The following DNAJB1 variants were observed in gnomAD, a reference collection of about 807,000 sequenced individuals.
The protein encoded by DNAJB1 is dnaJ homolog subfamily B member 1.
A neutral mutation model predicts 24.0 loss-of-function variants in DNAJB1; 14 were observed. The observed-to-expected ratio is 0.58, with a 90% CI of 0.39 to 0.91. The LOEUF is 0.91. Ranked by LOEUF, DNAJB1 falls within the 40% of genes least tolerant of loss-of-function variation. The pLI, the probability that DNAJB1 is intolerant of heterozygous loss-of-function variation, is 0.00. For missense variants in DNAJB1, 517 were observed against 458.1 expected (o/e 1.13, Z -1.17); for synonymous variants, 262 against 174.4 (o/e 1.50, Z -3.96).
At chr19:14,522,671 GACAC>G (rs1185246122), upstream of DNAJB1, among the ~76,000 whole-genome samples, 5 of 63,086 alleles carry the variant, frequency 7.9e-5, no homozygotes, top group African/African-American at 1.4e-4. Context: ...CACAAACACA[GACAC>G]ACACACAGAC....
chr19:14,534,218 G>A (rs997343095), upstream of DNAJB1, among the ~76,000 whole-genome samples: 3 of 149,782 alleles, frequency 2.0e-5, no homozygotes, highest in African/African-American at 7.4e-5. Flanking sequence ...TCCGCCTCCC[G>A]GGTTCACGCC....
intron 1 of DNAJB1, among the ~76,000 whole-genome samples, chr19:14,538,364 C>T (rs764295521): frequency 2.8e-4 from 43 of 152,074 alleles, no homozygotes; most frequent in South Asian, 8.3e-4. Flanking sequence ...ACCTGGGGGC[C>T]TGTGGGGGAG....
Position 14,515,879 on chromosome 19 carries a change from A to G in DNAJB1, c.*61T>C. 6.5e-7 allele frequency: 1 copy of G among 1,526,968 alleles called. No individual in the cohort carries two copies. Among genetic ancestry groups the G allele is most frequent in the South Asian group, 1.2e-5 (1 of 85,162 alleles). The allele number at this position is 1,526,968 out of a possible 1,614,324, so 94.6% of individuals were successfully genotyped here. On this transcript the variant is annotated 3_prime_UTR_variant, in exon 3 of 3. Transcript: ENST00000254322. ...CTCTCATGGTCCACAACTGGTAGAA[A>G]GGTCCAGAAATCCTTGAGCTCTGGA...
chr19:14,550,307 G>T (rs933298542), exon 1 of DNAJB1, among the ~76,000 whole-genome samples: 1 of 152,110 alleles, frequency 6.6e-6, no homozygotes, highest in Non-Finnish European at 1.5e-5. Context: ...GTTAGCTGCC[G>T]CCGCGTGTAT....
chr19:14,533,608 T>C (rs1476703439), upstream of DNAJB1, among the ~76,000 whole-genome samples: 1 of 152,146 alleles, frequency 6.6e-6, no homozygotes, highest in Admixed American at 6.6e-5. Flanking sequence ...AACAAATTAA[T>C]GTCTGGTTGA....
At chr19:14,550,663 G>T (rs1195493008), upstream of DNAJB1, among the ~76,000 whole-genome samples, 1 of 152,100 alleles carries the variant, frequency 6.6e-6, no homozygotes, top group African/African-American at 2.4e-5. Context: ...TGGCCCCAGC[G>T]GCCAGGAGTG....
chr19:14,535,456 G>A (rs8101153), intron 1 of DNAJB1, among the ~76,000 whole-genome samples: 26,164 of 130,792 alleles, frequency 0.2, 2,832 homozygotes, highest in African/African-American at 0.29. Context: ...GCAGTGAGCC[G>A]AGATCGCGCC....
intron 1 of DNAJB1, among the ~76,000 whole-genome samples, chr19:14,541,717 G>A (rs920154740): frequency 6.6e-6 from 1 of 152,070 alleles, no homozygotes; most frequent in Admixed American, 6.6e-5. Flanking sequence ...TATGTCCCAC[G>A]TTGAGGGATG....
intron 1 of DNAJB1, 73 bp downstream of exon 1, chr19:14,518,066 G>A (rs1391530226): frequency 8.2e-6 from 11 of 1,339,752 alleles, no homozygotes; most frequent in South Asian, 6.9e-5. Context: ...GGGGGCCGCC[G>A]AGAGGGGCCA....
chr19:14,526,548 G>A (rs553708033), intron 2 of DNAJB1, among the ~76,000 whole-genome samples: 1 of 152,320 alleles, frequency 6.6e-6, no homozygotes, highest in South Asian at 2.1e-4. Context: ...TGAGGAGGGG[G>A]TGGAAATTAT....
At chr19:14,518,058 G>C in intron 1 of DNAJB1, 81 bp downstream of exon 1, 1 of 1,332,394 alleles carries the variant, frequency 7.5e-7, no homozygotes, top group Non-Finnish European at 9.7e-7. Flanking sequence ...CCTTCCCGGG[G>C]GGCCGCCGAG....
chr19:14,549,427 A>C (rs957869995), intron 1 of DNAJB1, among the ~76,000 whole-genome samples: 2 of 151,754 alleles, frequency 1.3e-5, no homozygotes, highest in Non-Finnish European at 2.9e-5. Context: ...TGGCCAGGCT[A>C]GTCTTGAACT....
upstream of DNAJB1, among the ~76,000 whole-genome samples, chr19:14,522,486 A>AG (rs1267144041): frequency 5.8e-5 from 8 of 138,930 alleles, no homozygotes; most frequent in African/African-American, 2.0e-4. Flanking sequence ...TCTGTCTCGA[A>AG]GAAAAAAAAA....
chr19:14,534,423 CTTTTTTTTTTT>C (rs756051119), upstream of DNAJB1, among the ~76,000 whole-genome samples: 42 of 52,490 alleles, frequency 8.0e-4, no homozygotes, highest in African/African-American at 1.0e-3. Context: ...CATGCCTGGC[CTTTTTTTTTTT>C]TTTTTTTTTT....
Position 14,515,931 on chromosome 19 carries a change from C to T in DNAJB1, c.*9G>A. 6.2e-7 allele frequency: 1 copy of T among 1,605,318 alleles called. No individual in the cohort carries two copies. The highest frequency in any genetic ancestry group is 1.7e-5 in the Admixed American group (1 of 57,298). ...AGGTCCCTGGTCAGTCCTTGGGGAG[C>T]TCAGATAGCTATATTGGAAGAACCT... is the stretch of plus-strand genomic sequence containing the variant. On this transcript the variant is annotated 3_prime_UTR_variant, in exon 3 of 3. Transcript: ENST00000254322.
intron 1 of DNAJB1, among the ~76,000 whole-genome samples, chr19:14,545,465 T>TA (rs2073273409): frequency 6.6e-6 from 1 of 151,622 alleles, no homozygotes; most frequent in South Asian, 2.1e-4. Flanking sequence ...TATTATGTAA[T>TA]AGGTGCTTTG....
At chr19:14,535,828 G>A (rs1447889928) in intron 1 of DNAJB1, among the ~76,000 whole-genome samples, 1 of 148,048 alleles carries the variant, frequency 6.8e-6, no homozygotes, top group African/African-American at 2.5e-5. Context: ...CCTTTCCTAT[G>A]TTAGCCTGAC....
intron 1 of DNAJB1, among the ~76,000 whole-genome samples, chr19:14,558,569 A>G (rs1212846699): frequency 6.6e-6 from 1 of 152,146 alleles, no homozygotes; most frequent in Non-Finnish European, 1.5e-5. Flanking sequence ...ACAGAGCCAC[A>G]GGCCGGCAGA....
chr19:14,543,659 C>T (rs573704725), intron 1 of DNAJB1, among the ~76,000 whole-genome samples: 11 of 150,088 alleles, frequency 7.3e-5, no homozygotes, highest in African/African-American at 2.2e-4. Context: ...AGGATGGTCT[C>T]GATCTCCTGA....
Sources: allele counts gnomAD v4.1 joint callset (sites outside exome capture counted in the v4.1 genomes callset), GRCh38; gene constraint gnomAD v4.1.1; transcripts MANE v1.5; gene names NCBI Gene and HGNC (gene_info 2026-07-23, HGNC 2026-07-21).